The following EYS variants were observed in gnomAD, a reference collection of about 807,000 sequenced individuals.
EYS encodes protein eyes shut homolog.
In EYS, 250 loss-of-function variants were observed where a neutral mutation model predicts 282.1. The observed-to-expected ratio is 0.89, with a 90% CI of 0.80 to 0.98. The LOEUF (loss-of-function observed/expected upper bound fraction) is 0.98. Among genes scored for constraint, EYS ranks in the 50% least tolerant of loss-of-function variants. EYS has a pLI of 0.00. For synonymous variants in EYS, 1,355 were observed against 1,282.9 expected (o/e 1.06, Z -1.20); for missense variants, 4,016 against 3,709.0 (o/e 1.08, Z -2.15).
intron 26 of EYS, among the ~76,000 whole-genome samples, chr6:64,509,552 G>A (rs1211986675): frequency 1.3e-5 from 2 of 152,124 alleles, no homozygotes; most frequent in East Asian, 1.9e-4. Context: ...AAAATGTATA[G>A]ACTGCCGTCA....
intron 30 of EYS, among the ~76,000 whole-genome samples, chr6:64,260,811 A>C (rs1392885029): frequency 2.0e-5 from 3 of 152,042 alleles, no homozygotes; most frequent in Non-Finnish European, 2.9e-5. Context: ...TATCTCCATT[A>C]GTTTAATTTT....
chr6:64,623,718 G>A (rs572326908), intron 23 of EYS, among the ~76,000 whole-genome samples: 31 of 151,978 alleles, frequency 2.0e-4, no homozygotes, highest in Non-Finnish European at 2.8e-4. Context: ...ATTACAAAGG[G>A]ACAGCATGAG....
At chr6:63,809,638 C>T (rs1770990335) in intron 36 of EYS, among the ~76,000 whole-genome samples, 1 of 151,898 alleles carries the variant, frequency 6.6e-6, no homozygotes, top group Non-Finnish European at 1.5e-5. Flanking sequence ...ATCACTAATG[C>T]TCTGGGATCA....
chr6:64,994,189 TA>T (rs1239107808), intron 14 of EYS, among the ~76,000 whole-genome samples: 1 of 152,072 alleles, frequency 6.6e-6, no homozygotes, highest in Non-Finnish European at 1.5e-5. Flanking sequence ...TATTATATGC[TA>T]GACTTTCAAA....
intron 30 of EYS, among the ~76,000 whole-genome samples, chr6:64,255,859 T>G (rs1767381270): frequency 6.6e-6 from 1 of 152,072 alleles, no homozygotes; most frequent in African/African-American, 2.4e-5. Context: ...TTCACATTTA[T>G]TATGAAAAAT....
At chr6:64,334,709 T>C (rs930940716) in intron 29 of EYS, among the ~76,000 whole-genome samples, 1 of 152,172 alleles carries the variant, frequency 6.6e-6, no homozygotes, top group Non-Finnish European at 1.5e-5. Flanking sequence ...CTGGATTATC[T>C]TTTAGCTTCA....
intron 19 of EYS, among the ~76,000 whole-genome samples, chr6:64,852,368 C>A (rs1765913207): frequency 1.3e-5 from 2 of 152,048 alleles, no homozygotes; most frequent in African/African-American, 4.8e-5. Context: ...TCTTAGCCTC[C>A]CAGCCTACAT....
intron 22 of EYS, among the ~76,000 whole-genome samples, chr6:64,677,190 C>T (rs1187015689): frequency 6.6e-6 from 1 of 152,062 alleles, no homozygotes; most frequent in Non-Finnish European, 1.5e-5. Flanking sequence ...CACAATCTCC[C>T]CAACTGTTCC....
chr6:65,011,270 A>G lies in EYS; in HGVS notation c.2138-13567T>C, dbSNP rs531903391. ...ATTATTTACTGGACCGGGCCTTTTC[A>G]AAACTATCAAGCAGATAGTCAGGGC... On this transcript the variant is annotated intron_variant, in intron 13 of 42. Coordinates refer to ENST00000503581, the MANE Select transcript of EYS (RefSeq NM_001142800.2). 3.3e-5 allele frequency among the ~76,000 whole-genome samples: 5 copies of G among 152,320 alleles called. No homozygotes were observed. In the South Asian group the frequency reaches 1.0e-3, roughly 32 times the overall value.
At chr6:64,979,200 T>G (rs1770572996) in intron 14 of EYS, among the ~76,000 whole-genome samples, 1 of 151,924 alleles carries the variant, frequency 6.6e-6, no homozygotes, top group Admixed American at 6.6e-5. Flanking sequence ...TATATTCGCT[T>G]TATTGCAGTA....
chr6:63,765,698 T>G (rs980266285), intron 40 of EYS, among the ~76,000 whole-genome samples: 2 of 152,030 alleles, frequency 1.3e-5, no homozygotes. Context: ...AAATTATTAT[T>G]GACTATAGTC....
At chr6:65,586,284 A>G (rs1397103872) in intron 2 of EYS, among the ~76,000 whole-genome samples, 1 of 152,092 alleles carries the variant, frequency 6.6e-6, no homozygotes, top group Non-Finnish European at 1.5e-5. Flanking sequence ...TCAAATTAAT[A>G]TGGTAATATG....
At chr6:64,683,502 A>C (rs903390579) in intron 22 of EYS, among the ~76,000 whole-genome samples, 1 of 152,234 alleles carries the variant, frequency 6.6e-6, no homozygotes, top group Admixed American at 6.5e-5. Context: ...TAGAGAAGGC[A>C]AAAGAAACTA....
intron 26 of EYS, among the ~76,000 whole-genome samples, chr6:64,508,946 G>C (rs944420851): frequency 6.6e-6 from 1 of 151,730 alleles, no homozygotes; most frequent in Non-Finnish European, 1.5e-5. Context: ...CTTTCTCTGG[G>C]TTATTCTTTA....
At chr6:64,660,066 G>A (rs917419015) in intron 22 of EYS, among the ~76,000 whole-genome samples, 3 of 152,180 alleles carry the variant, frequency 2.0e-5, no homozygotes, top group Non-Finnish European at 4.4e-5. Context: ...TCCCTGGGAT[G>A]CAAGGCTGGT....
At chr6:65,254,215 C>T (rs605729) in intron 12 of EYS, among the ~76,000 whole-genome samples, 3,296 of 151,900 alleles carry the variant, frequency 0.022, 113 homozygotes, top group African/African-American at 0.076. Flanking sequence ...CACCCACACA[C>T]CCTGATGTAT....
chr6:65,419,720 A>C (rs780525891), intron 5 of EYS, among the ~76,000 whole-genome samples: 3 of 151,956 alleles, frequency 2.0e-5, no homozygotes, highest in Non-Finnish European at 4.4e-5. Flanking sequence ...CATTATTAAC[A>C]TTATATTTTA....
At chr6:63,733,738 G>A (rs928139856) in intron 41 of EYS, among the ~76,000 whole-genome samples, 7 of 152,084 alleles carry the variant, frequency 4.6e-5, no homozygotes, top group African/African-American at 9.7e-5. Flanking sequence ...CACGGACCAC[G>A]TTATAAACAT....
chr6:64,002,019 C>A (rs1216923706), intron 33 of EYS, among the ~76,000 whole-genome samples: 1 of 152,206 alleles, frequency 6.6e-6, no homozygotes, highest in Non-Finnish European at 1.5e-5. Flanking sequence ...CTCACCATGT[C>A]CCCTATCCTA....
Sources: allele counts gnomAD v4.1 joint callset (sites outside exome capture counted in the v4.1 genomes callset), GRCh38; gene constraint gnomAD v4.1.1; transcripts MANE v1.5; gene names NCBI Gene and HGNC (gene_info 2026-07-23, HGNC 2026-07-21).